The following CIITA variants were observed in gnomAD, a reference collection of about 807,000 sequenced individuals.
The protein encoded by CIITA is MHC class II transactivator.
A neutral mutation model predicts 115.1 loss-of-function variants in CIITA; 72 were observed. The observed-to-expected ratio is 0.63, with a 90% CI of 0.52 to 0.76. The LOEUF (loss-of-function observed/expected upper bound fraction) is 0.76, where lower values mean the gene tolerates loss of function less well. Among genes scored for constraint, CIITA ranks in the 30% least tolerant of loss-of-function variants. The pLI, the probability that CIITA is intolerant of heterozygous loss-of-function variation, is 0.00. For synonymous variants in CIITA, 763 were observed against 635.6 expected (o/e 1.20, Z -3.02); for missense variants, 1,617 against 1,463.8 (o/e 1.10, Z -1.71).
chr16:10,870,457 C>A (rs900906556), intron 1 of CIITA, among the ~76,000 whole-genome samples: 4 of 152,216 alleles, frequency 2.6e-5, no homozygotes, highest in Non-Finnish European at 4.4e-5. Context: ...AAAGTCCTTG[C>A]CCTGGAGGAA....
At position 10,906,446 on chromosome 16, in the gene CIITA, C is replaced by A. The variant is rs543881189; in HGVS notation, c.1007-53C>A. The A allele has an allele frequency of 3.8e-6, 6 of 1,594,364 alleles. No homozygotes were observed. The East Asian group carries it at 1.1e-4, about 30-fold the overall frequency. ...CAGTGCTGGCCTTGTGGTGGCTGGCCCTGGCCCTGCCTCTCACATACCCCC... is the reference window on the plus strand; with the variant it reads ...CAGTGCTGGCCTTGTGGTGGCTGGCACTGGCCCTGCCTCTCACATACCCCC... On this transcript the variant is annotated intron_variant, in intron 10 of 19. Transcript: ENST00000324288.
In CIITA at chr16:10,908,213, A is replaced by C. The variant is rs934269837; in HGVS notation, c.2657+64A>C. 93 of 1,530,194 alleles carry C rather than the reference A, an allele frequency of 6.1e-5. No individual in the cohort carries two copies. The Middle Eastern group carries it at 8.3e-4, about 14-fold the overall frequency. The allele number at this position is 1,530,194 out of a possible 1,614,324, so 94.8% of individuals were successfully genotyped here. Reference sequence around the variant, plus strand: ...GGGCATTAACTGCGGTCTTGGTGCCAAGCCCAGTGCTCTGTGGGGTCTCTT... The same window carrying C: ...GGGCATTAACTGCGGTCTTGGTGCCCAGCCCAGTGCTCTGTGGGGTCTCTT... On this transcript the variant is annotated intron_variant, in intron 11 of 19. Coordinates refer to ENST00000324288, the MANE Select transcript of CIITA (RefSeq NM_000246.4).
At chr16:10,936,496 A>G (rs2041025635), downstream of CIITA, 1 of 152,254 alleles carries the variant, frequency 6.6e-6, no homozygotes. Flanking sequence ...AAGAGCATGC[A>G]CGTGTACATG....
chr16:10,929,349 C>T lies in CIITA; in HGVS notation c.*5494C>T. 1 of 985,914 alleles carries T rather than the reference C, an allele frequency of 1.0e-6. No homozygotes were observed. The highest frequency in any genetic ancestry group is 1.2e-6 in the Non-Finnish European group (1 of 829,968). 61.1% of individuals were successfully genotyped at this position (985,914 alleles called of 1,614,324 possible). On this transcript the variant is annotated 3_prime_UTR_variant, in exon 20 of 20. Coordinates refer to ENST00000324288, the MANE Select transcript of CIITA (RefSeq NM_000246.4). This position sits in a 1 kb window ranked among gnomAD's most constrained non-coding sequence, Gnocchi z 4.3. Reference sequence around the variant, plus strand: ...CAAACTCTGGCTGGGTTCCTGTAAACATCCATCGCAGCTGCAAATAATCAG... The same window carrying T: ...CAAACTCTGGCTGGGTTCCTGTAAATATCCATCGCAGCTGCAAATAATCAG...
Position 10,899,019 on chromosome 16 carries a change from C to T in CIITA, c.436+17C>T. On this transcript the variant is annotated intron_variant, in intron 5 of 19. Coordinates refer to ENST00000324288, the MANE Select transcript of CIITA (RefSeq NM_000246.4). Reference sequence around the variant, plus strand: ...AGAAAAGACGTGAGTGAGCCCCTCCCTGATCCAACCTAGCCTTGCTTGAGA... The same window carrying T: ...AGAAAAGACGTGAGTGAGCCCCTCCTTGATCCAACCTAGCCTTGCTTGAGA... The T allele has an allele frequency of 6.2e-7, 1 of 1,613,050 alleles. No individual in the cohort carries two copies. Among genetic ancestry groups the T allele is most frequent in the Non-Finnish European group, 8.5e-7 (1 of 1,179,122 alleles).
chr16:10,872,477 C>T (rs564641686), upstream of CIITA, among the ~76,000 whole-genome samples: 5 of 152,210 alleles, frequency 3.3e-5, no homozygotes, highest in African/African-American at 9.6e-5. Context: ...TTTATATCTA[C>T]TGTCTACATA....
In CIITA at chr16:10,941,793, G is replaced by A; in HGVS notation, n.919G>A. 1 of 1,613,698 alleles carries A rather than the reference G, an allele frequency of 6.2e-7. No homozygotes were observed. Among genetic ancestry groups the A allele is most frequent in the South Asian group, 1.1e-5 (1 of 91,068 alleles). On this transcript the variant is annotated non_coding_transcript_exon_variant, in exon 2 of 2. Coordinates refer to the CIITA transcript ENST00000573379. This position sits in a 1 kb window ranked among gnomAD's most constrained non-coding sequence, Gnocchi z 6.4. Reference sequence around the variant, plus strand: ...GGCCCGAGCCGGGGTCGGAGAGCACGCCGAGGTCCACGAGCGCCTGGTCCA... The same window carrying A: ...GGCCCGAGCCGGGGTCGGAGAGCACACCGAGGTCCACGAGCGCCTGGTCCA...
At chr16:10,887,910 G>A (rs896523425) in intron 1 of CIITA, among the ~76,000 whole-genome samples, 2 of 152,028 alleles carry the variant, frequency 1.3e-5, no homozygotes, top group African/African-American at 2.4e-5. Context: ...TAGACTCCCC[G>A]CCTCTGGGAA....
intron 1 of CIITA, among the ~76,000 whole-genome samples, chr16:10,878,668 C>T (rs1268937962): frequency 6.6e-6 from 1 of 152,214 alleles, no homozygotes; most frequent in African/African-American, 2.4e-5. Flanking sequence ...GGACAAGCTC[C>T]CTGCAACTCA....
At chr16:10,899,152 T>C in intron 5 of CIITA, 150 bp downstream of exon 5, 2 of 742,066 alleles carry the variant, frequency 2.7e-6, no homozygotes, top group East Asian at 2.7e-5. Flanking sequence ...CCTTAAAATG[T>C]ACATCTGATT....
At chr16:10,909,692 G>T (rs867130574) in intron 12 of CIITA, among the ~76,000 whole-genome samples, 17 of 152,100 alleles carry the variant, frequency 1.1e-4, no homozygotes, top group Non-Finnish European at 8.8e-5. Context: ...CTAATCTGAG[G>T]CTCATTTCCA....
In CIITA at chr16:10,904,776, G is replaced by C. The variant is rs774352830; in HGVS notation, c.970G>C (p.Ala324Pro). Residue 324 changes from alanine to proline, a missense_variant, in exon 10 of 20, where the codon GCT (alanine) becomes CCT (proline). By Grantham distance (27) the Ala-to-Pro change is conservative. Transcript: ENST00000324288. ...HKTSPTQCPA[A>P]GEVSNKLPKW... ...GACGTCCCCCACCCAATGCCCGGCA[G>C]CTGGAGAGGTCTCCAACAAGCTTCC... 6.2e-7 allele frequency: 1 copy of C among 1,614,178 alleles called. No homozygotes were observed. The highest frequency in any genetic ancestry group is 1.1e-5 in the South Asian group (1 of 91,080).
chr16:10,906,469 C>G (rs76445850), intron 10 of CIITA, 30 bp from the exon 11 acceptor site: 46 of 1,610,252 alleles, frequency 2.9e-5, no homozygotes, highest in Non-Finnish European at 3.6e-5. Flanking sequence ...CTCACATACC[C>G]CCACCCTGAC....
chr16:10,877,438 A>G (rs1483545169), intron 1 of CIITA, 56 bp downstream of exon 1: 3 of 1,545,690 alleles, frequency 1.9e-6, no homozygotes, highest in South Asian at 2.3e-5. Flanking sequence ...TGGTCCTGCC[A>G]TTCCAGATAA....
Position 10,932,911 on chromosome 16 carries a change from A to G in CIITA, c.*9056A>G, listed in dbSNP as rs906610822. ...ACCATGTTGGCCAGGCTAAAATCTC[A>G]TAACGTTTTAAGAAAGTTTATGAAT... On this transcript the variant is annotated 3_prime_UTR_variant, in exon 20 of 20. Coordinates refer to ENST00000324288, the MANE Select transcript of CIITA (RefSeq NM_000246.4). 1.3e-5 allele frequency: 2 copies of G among 152,048 alleles called. No homozygotes were observed. Among genetic ancestry groups the G allele is most frequent in the Admixed American group, 6.5e-5 (1 of 15,268 alleles). 9.4% of individuals were successfully genotyped at this position (152,048 alleles called of 1,614,324 possible).
At chr16:10,884,443 C>T (rs967720211) in intron 1 of CIITA, among the ~76,000 whole-genome samples, 1 of 152,188 alleles carries the variant, frequency 6.6e-6, no homozygotes, top group African/African-American at 2.4e-5. Flanking sequence ...GAGACAAAGT[C>T]TCACTCTGTT....
At chr16:10,898,463 T>G (rs2038361588) in intron 3 of CIITA, among the ~76,000 whole-genome samples, 1 of 151,790 alleles carries the variant, frequency 6.6e-6, no homozygotes, top group African/African-American at 2.4e-5. Flanking sequence ...TAAGTTTTCA[T>G]GGATACATAC....
Position 10,879,171 on chromosome 16 carries a change from T to C in CIITA, c.52+1789T>C, listed in dbSNP as rs1184700758. The C allele has an allele frequency of 5.6e-6, 1 of 178,282 alleles. No individual in the cohort carries two copies. Among genetic ancestry groups the C allele is most frequent in the East Asian group, 9.3e-5 (1 of 10,762 alleles). The allele number at this position is 178,282 out of a possible 1,614,324, so 11.0% of individuals were successfully genotyped here. A position where few individuals can be genotyped will look rare whatever the true frequency, so the allele number is the denominator to read the frequency against. On this transcript the variant is annotated intron_variant, in intron 1 of 19. Coordinates refer to ENST00000324288, the MANE Select transcript of CIITA (RefSeq NM_000246.4). The surrounding 1 kb of genome is among the most constrained non-coding windows in gnomAD (Gnocchi z 4.3). ...ATGGGGGGATGGAATATGCAAAATG[T>C]AGGGCCGGGAAACACCTCGTTTCCA...
At chr16:10,887,899 A>G (rs1033525108) in intron 1 of CIITA, among the ~76,000 whole-genome samples, 3 of 152,130 alleles carry the variant, frequency 2.0e-5, no homozygotes, top group African/African-American at 7.2e-5. Context: ...ACCCTCAAAG[A>G]TAGACTCCCC....
Sources: allele counts gnomAD v4.1 joint callset (sites outside exome capture counted in the v4.1 genomes callset), GRCh38; gene constraint gnomAD v4.1.1; non-coding constraint Gnocchi (gnomAD v3.1); transcripts MANE v1.5; gene names NCBI Gene and HGNC (gene_info 2026-07-23, HGNC 2026-07-21).